Variants in SSBP2 observed in about 807,000 individuals in gnomAD.
The protein encoded by SSBP2 is single stranded DNA binding protein 2.
Under a neutral mutation model 61.8 loss-of-function variants are expected in SSBP2, and 17 were observed. The observed-to-expected ratio is 0.28, with a 90% CI of 0.19 to 0.41. The LOEUF is 0.41. SSBP2 is among the 10% of genes least tolerant of loss of function. SSBP2 has a pLI of 1.00. For synonymous variants in SSBP2, 139 were observed against 141.3 expected (o/e 0.98, Z 0.12); for missense variants, 310 against 458.7 (o/e 0.68, Z 2.96).
intron 3 of SSBP2, among the ~76,000 whole-genome samples, chr5:81,627,549 C>T (rs919187690): frequency 1.3e-5 from 2 of 152,150 alleles, no homozygotes; most frequent in Non-Finnish European, 2.9e-5. Context: ...TTATTCTTAG[C>T]TATACCTGAT....
chr5:81,711,151 A>G (rs1052557881), intron 1 of SSBP2, among the ~76,000 whole-genome samples: 4 of 152,068 alleles, frequency 2.6e-5, no homozygotes, highest in African/African-American at 9.6e-5. Context: ...ATTCTATAAT[A>G]TTAGTAGTTT....
intron 1 of SSBP2, among the ~76,000 whole-genome samples, chr5:81,680,382 A>G (rs1752298854): frequency 6.7e-6 from 1 of 149,126 alleles, no homozygotes; most frequent in Admixed American, 6.7e-5. Flanking sequence ...TATATAACAT[A>G]ATCTATAGGT....
intron 5 of SSBP2, among the ~76,000 whole-genome samples, chr5:81,513,053 ATTG>A (rs541736836): frequency 1.5e-3 from 223 of 152,190 alleles, no homozygotes; most frequent in South Asian, 3.7e-3. Flanking sequence ...TCATTGTAAA[ATTG>A]TTATCATCAT....
chr5:81,612,995 C>T (rs1745605030), intron 4 of SSBP2, among the ~76,000 whole-genome samples: 1 of 151,960 alleles, frequency 6.6e-6, no homozygotes, highest in African/African-American at 2.4e-5. Context: ...TTAGGAAATC[C>T]TATTCATGAA....
chr5:81,452,508 T>A (rs6868748), intron 10 of SSBP2, among the ~76,000 whole-genome samples: 69,000 of 152,080 alleles, frequency 0.45, 19,849 homozygotes, highest in African/African-American at 0.82. Flanking sequence ...AAAAAAATCC[T>A]GGCAAGAGAT....
At chr5:81,489,177 G>T in intron 6 of SSBP2, 73 bp downstream of exon 6, 2 of 1,273,044 alleles carry the variant, frequency 1.6e-6, no homozygotes, top group Admixed American at 2.1e-5. Context: ...TATTTTTACA[G>T]GATGATAAAT....
At chr5:81,664,105 CT>C (rs897761100) in intron 1 of SSBP2, among the ~76,000 whole-genome samples, 7 of 143,642 alleles carry the variant, frequency 4.9e-5, no homozygotes, top group Admixed American at 1.4e-4. Flanking sequence ...ACTTTTTTAA[CT>C]TTTTTTTTTG....
chr5:81,742,580 A>C (rs1012727034), intron 1 of SSBP2, among the ~76,000 whole-genome samples: 1 of 152,190 alleles, frequency 6.6e-6, no homozygotes, highest in Non-Finnish European at 1.5e-5. Context: ...TGAGGCATTA[A>C]ACATCACACA....
intron 4 of SSBP2, among the ~76,000 whole-genome samples, chr5:81,590,652 T>C (rs750742431): frequency 8.5e-5 from 13 of 152,204 alleles, no homozygotes; most frequent in African/African-American, 1.7e-4. Flanking sequence ...AGAAAAACTG[T>C]TGGACAACAA....
rs980831367 is a variant in SSBP2, at chr5:81,661,658, T to C, written c.63-11319A>G. ...CATTGGTATGTTTTATTTTGAGAAA[T>C]TTCTATTCATGTCCTTTCCCCACTT... is the stretch of plus-strand genomic sequence containing the variant. On this transcript the variant is annotated intron_variant, in intron 1 of 16. Coordinates refer to ENST00000320672, the MANE Select transcript of SSBP2 (RefSeq NM_012446.5). Among the ~76,000 whole-genome samples the C allele has an allele frequency of 1.2e-4, 19 of 152,286 alleles. No individual in the cohort carries two copies. The South Asian group carries it at 2.3e-3, about 18-fold the overall frequency.
intron 1 of SSBP2, among the ~76,000 whole-genome samples, chr5:81,725,817 G>C (rs1755844253): frequency 6.6e-6 from 1 of 152,118 alleles, no homozygotes. Context: ...GGCACTAGGG[G>C]AGGAATGGTT....
chr5:81,741,328 G>A (rs1384857394), intron 1 of SSBP2, among the ~76,000 whole-genome samples: 1 of 152,194 alleles, frequency 6.6e-6, no homozygotes, highest in Non-Finnish European at 1.5e-5. Flanking sequence ...AGGGCACATA[G>A]AAGGCGGGAG....
intron 9 of SSBP2, 104 bp downstream of exon 9, chr5:81,466,870 G>A: frequency 1.6e-6 from 1 of 642,544 alleles, no homozygotes; most frequent in Non-Finnish European, 2.4e-6. Context: ...TCATTTTAGA[G>A]GCCAGAAAAT....
intron 3 of SSBP2, among the ~76,000 whole-genome samples, chr5:81,634,238 A>G (rs1463464532): frequency 6.6e-6 from 1 of 152,178 alleles, no homozygotes; most frequent in Admixed American, 6.5e-5. Context: ...GCTTTCCATA[A>G]TTGCTTATCT....
rs182264342 is a variant in SSBP2 at position 81,499,242 on chromosome 5, G to A, written c.373-9933C>T. Among the ~76,000 whole-genome samples, 8 of 152,272 alleles carry A rather than the reference G, an allele frequency of 5.3e-5. No individual in the cohort carries two copies. In the East Asian group the frequency reaches 9.7e-4, roughly 18 times the overall value. On this transcript the variant is annotated intron_variant, in intron 5 of 16. Transcript: ENST00000320672. ...TTAAAATAACTCACATAAAATAACTGTAAAGCAATGACAGATCCAGTTTCC... is the reference window on the plus strand; with the variant it reads ...TTAAAATAACTCACATAAAATAACTATAAAGCAATGACAGATCCAGTTTCC...
intron 1 of SSBP2, among the ~76,000 whole-genome samples, chr5:81,711,640 A>G (rs1754782321): frequency 6.6e-6 from 1 of 151,138 alleles, no homozygotes. Context: ...TATGATAAAT[A>G]AAGCCTAAAG....
In SSBP2 at chr5:81,556,266, T is replaced by C. The variant is rs544120577; in HGVS notation, c.283-42549A>G. 7.9e-5 allele frequency among the ~76,000 whole-genome samples: 12 copies of C among 152,222 alleles called. No individual in the cohort carries two copies. The South Asian group carries it at 2.5e-3, about 32-fold the overall frequency. On this transcript the variant is annotated intron_variant, in intron 4 of 16. Transcript: ENST00000320672. ...CAAGGACTATGTTCATTTCCAGTGG[T>C]CGTTGCCAATGTGAATCTTCAAAAG...
intron 16 of SSBP2, among the ~76,000 whole-genome samples, chr5:81,427,534 C>G (rs1469093351): frequency 3.3e-5 from 5 of 152,128 alleles, no homozygotes; most frequent in African/African-American, 9.7e-5. Flanking sequence ...GGGAATGGAA[C>G]AGCCACTCTG....
At position 81,440,611 on chromosome 5, in the gene SSBP2, C is replaced by T. The variant is rs775151914; in HGVS notation, c.875G>A (p.Gly292Asp). 23 of 1,613,054 alleles carry T rather than the reference C, an allele frequency of 1.4e-5. No individual in the cohort carries two copies. The South Asian group carries it at 2.5e-4, about 18-fold the overall frequency. The change falls in exon 14 of 17, where the codon GGT becomes GAT. Residue 292 changes from glycine (G) to aspartate (D), a missense_variant. Coordinates refer to ENST00000320672, the MANE Select transcript of SSBP2 (RefSeq NM_012446.5). ...CATTCCTCCTAATCCACCCATGGGA[C>T]CATCTGACCCAGGACCCATTGGAAA...
Sources: gnomAD v4.1 joint callset for allele counts (sites outside exome capture counted in the v4.1 genomes callset) on GRCh38, gnomAD v4.1.1 for gene constraint, MANE v1.5 for transcripts, NCBI Gene and HGNC (gene_info 2026-07-23, HGNC 2026-07-21) for gene names.